The following AKT3 variants were observed in gnomAD, a reference collection of about 807,000 sequenced individuals.
AKT3 encodes the protein AKT serine/threonine kinase 3, also known as RAC-gamma serine/threonine-protein kinase.
A neutral mutation model predicts 65.3 loss-of-function variants in AKT3; 15 were observed. The ratio of observed to expected loss-of-function variants is 0.23; its 90% CI spans 0.15 to 0.35. The LOEUF (loss-of-function observed/expected upper bound fraction) is 0.35. Ranked by LOEUF, AKT3 falls within the 10% of genes least tolerant of loss-of-function variation. AKT3 has a pLI of 1.00. For missense variants in AKT3, 243 were observed against 576.5 expected, an observed-to-expected ratio of 0.42 and a Z score of 5.92; for synonymous variants, 206 against 183.8, an observed-to-expected ratio of 1.12 and a Z score of -0.98.
chr1:243,607,737 T>C (rs1440058356), intron 8 of AKT3, among the ~76,000 whole-genome samples: 1 of 152,132 alleles, frequency 6.6e-6, no homozygotes, highest in Non-Finnish European at 1.5e-5. Flanking sequence ...CAGAATGATA[T>C]AGTTTGTGTC....
In AKT3 at chr1:243,502,795, G is replaced by A. The variant is rs924827846; in HGVS notation, c.*2454C>T. 4.3e-6 allele frequency: 1 copy of A among 233,204 alleles called. No individual in the cohort carries two copies. The highest frequency in any genetic ancestry group is 2.2e-5 in the African/African-American group (1 of 45,348). 14.4% of individuals were successfully genotyped at this position (233,204 alleles called of 1,614,324 possible). On this transcript the variant is annotated 3_prime_UTR_variant, in exon 14 of 14. Transcript: ENST00000673466. ...GCTGGGAACTGAGAGCCAGTGTGAG[G>A]AGTGGCCCGCCTGGGGCAATGTCAG...
intron 12 of AKT3, 125 bp from the exon 13 acceptor site, chr1:243,512,551 G>A (rs1340606220): frequency 4.9e-6 from 3 of 614,556 alleles, no homozygotes; most frequent in East Asian, 3.0e-5. Context: ...TGAGTCGCTG[G>A]GTAAGGGAGA....
intron 8 of AKT3, among the ~76,000 whole-genome samples, chr1:243,604,511 T>C (rs1185163086): frequency 6.6e-6 from 1 of 152,230 alleles, no homozygotes; most frequent in African/African-American, 2.4e-5. Flanking sequence ...CTGTGTACTC[T>C]ACACATGCCA....
chr1:243,847,168 G>A (rs769180906), intron 1 of AKT3, among the ~76,000 whole-genome samples: 1 of 152,168 alleles, frequency 6.6e-6, no homozygotes, highest in Non-Finnish European at 1.5e-5. Flanking sequence ...TATTATTAAT[G>A]CATATTAACT....
rs4658584 is a variant in AKT3, at chr1:243,631,613, C to T, written c.561+5998G>A. On this transcript the variant is annotated intron_variant, in intron 6 of 13. Transcript: ENST00000673466. ...GTGGCAATTTCTTAAAATGAGAAAACAATGAAGTTTCCCATATTGACTTTC... is the reference window on the plus strand; with the variant it reads ...GTGGCAATTTCTTAAAATGAGAAAATAATGAAGTTTCCCATATTGACTTTC... Among the ~76,000 whole-genome samples, 1,489 of 152,232 alleles carry T rather than the reference C, an allele frequency of 9.8e-3. 61 individuals are homozygous for T. The highest frequency in any genetic ancestry group is 0.079 in the East Asian group (409 of 5,174).
At chr1:243,668,900 T>A (rs1682983883) in intron 3 of AKT3, among the ~76,000 whole-genome samples, 1 of 152,156 alleles carries the variant, frequency 6.6e-6, no homozygotes, top group Non-Finnish European at 1.5e-5. Flanking sequence ...AATCAATAGG[T>A]CATAAAATCT....
intron 2 of AKT3, among the ~76,000 whole-genome samples, chr1:243,702,609 A>G (rs1262019491): frequency 6.6e-6 from 1 of 152,200 alleles, no homozygotes; most frequent in Non-Finnish European, 1.5e-5. Flanking sequence ...ACTACAAACC[A>G]CACATTAAAT....
At chr1:243,602,894 A>C (rs1677116144) in intron 8 of AKT3, among the ~76,000 whole-genome samples, 1 of 152,222 alleles carries the variant, frequency 6.6e-6, no homozygotes, top group Non-Finnish European at 1.5e-5. Context: ...TAACTTCAGG[A>C]AACTTCAGAC....
At chr1:243,616,329 A>AAT in intron 6 of AKT3, among the ~76,000 whole-genome samples, 1 of 150,660 alleles carries the variant, frequency 6.6e-6, no homozygotes, top group South Asian at 2.1e-4. Context: ...AAAAAAAAAA[A>AAT]AAAGCTCACA....
At chr1:243,724,195 C>T (rs1042975907) in intron 2 of AKT3, among the ~76,000 whole-genome samples, 2 of 149,060 alleles carry the variant, frequency 1.3e-5, no homozygotes, top group African/African-American at 5.0e-5. Flanking sequence ...AAGTTAACAC[C>T]AAACAAACAA....
Position 243,572,855 on chromosome 1 carries a change from T to G in AKT3, c.819+71A>C. On this transcript the variant is annotated intron_variant, in intron 9 of 13. Coordinates refer to ENST00000673466, the MANE Select transcript of AKT3 (RefSeq NM_005465.7). ...TGCTTTTCTCAAAACTGTATAACTT[T>G]GTAATTACTTTATGTTTGTCCCTAT... 7 of 1,421,148 alleles carry G rather than the reference T, an allele frequency of 4.9e-6. No individual in the cohort carries two copies. The Middle Eastern group carries it at 7.3e-4, about 148-fold the overall frequency. 88.0% of individuals were successfully genotyped at this position (1,421,148 alleles called of 1,614,324 possible).
At chr1:243,578,215 A>G (rs952430153) in intron 8 of AKT3, among the ~76,000 whole-genome samples, 1 of 152,184 alleles carries the variant, frequency 6.6e-6, no homozygotes, top group Admixed American at 6.5e-5. Flanking sequence ...AAATCATTCT[A>G]CTACAAAGAT....
In AKT3 at chr1:243,614,929, G is replaced by A. The variant is rs980969575; in HGVS notation, c.627+167C>T. On this transcript the variant is annotated intron_variant, in intron 7 of 13. Coordinates refer to ENST00000673466, the MANE Select transcript of AKT3 (RefSeq NM_005465.7). The stretch of plus-strand genomic sequence containing the variant: ...GAGGAATTATCAATGCATACACACT[G>A]TAAAAATCCATACATTCTAATAAGT... 2.6e-5 allele frequency among the ~76,000 whole-genome samples: 4 copies of A among 152,100 alleles called. No individual in the cohort carries two copies. In the South Asian group the frequency reaches 8.3e-4, roughly 32 times the overall value.
intron 3 of AKT3, among the ~76,000 whole-genome samples, chr1:243,686,299 T>C (rs1335626435): frequency 6.6e-6 from 1 of 152,012 alleles, no homozygotes; most frequent in East Asian, 1.9e-4. Flanking sequence ...AAGGAGGCCA[T>C]AAGCAGGGTT....
chr1:243,583,195 T>TATATATATACACACACAC (rs759291565), intron 8 of AKT3, among the ~76,000 whole-genome samples: 37 of 88,258 alleles, frequency 4.2e-4, no homozygotes, highest in African/African-American at 1.9e-3. Flanking sequence ...TATATATATA[T>TATATATATACACACACAC]ACACACACAC....
At chr1:243,761,268 A>G (rs1689474864) in intron 2 of AKT3, among the ~76,000 whole-genome samples, 1 of 152,194 alleles carries the variant, frequency 6.6e-6, no homozygotes, top group African/African-American at 2.4e-5. Flanking sequence ...AGACATGTCT[A>G]ATTTGGAAGA....
chr1:243,774,590 TA>T (rs893487857), intron 2 of AKT3, among the ~76,000 whole-genome samples: 1 of 151,918 alleles, frequency 6.6e-6, no homozygotes, highest in African/African-American at 2.4e-5. Flanking sequence ...TTTTGTTGTT[TA>T]AAAAAAAGAA....
At chr1:243,568,364 T>C (rs1247221914) in intron 9 of AKT3, among the ~76,000 whole-genome samples, 1 of 152,084 alleles carries the variant, frequency 6.6e-6, no homozygotes, top group Admixed American at 6.5e-5. Context: ...CAAGATTGTA[T>C]ATTAAAAATC....
intron 2 of AKT3, among the ~76,000 whole-genome samples, chr1:243,812,318 A>G (rs1377907808): frequency 2.0e-5 from 3 of 152,170 alleles, no homozygotes; most frequent in Non-Finnish European, 4.4e-5. Context: ...ACTCAAACAA[A>G]TTTACAAGAA....
Sources: gnomAD v4.1 joint callset for allele counts (sites outside exome capture counted in the v4.1 genomes callset) on GRCh38, gnomAD v4.1.1 for gene constraint, MANE v1.5 for transcripts, NCBI Gene and HGNC (gene_info 2026-07-23, HGNC 2026-07-21) for gene names.